MUC4: variants seen among roughly 807,000 people sequenced by gnomAD.
The protein encoded by MUC4 is mucin 4, cell surface associated.
A neutral mutation model predicts 257.9 loss-of-function variants in MUC4; 202 were observed. The ratio of observed to expected loss-of-function variants is 0.78; its 90% CI spans 0.70 to 0.88. MUC4 has a LOEUF of 0.88. Ranked by LOEUF, MUC4 falls within the 40% of genes least tolerant of loss-of-function variation. The pLI is 0.00. For missense variants in MUC4, 5,976 were observed against 6,513.7 expected (o/e 0.92, Z 2.84); for synonymous variants, 2,351 against 2,757.1 (o/e 0.85, Z 4.62).
rs546901834 is a variant in MUC4 at position 195,764,903 on chromosome 3, G to C, written c.13924+94C>G. ...ATCAGGAAGTGGAGGCCCAGAGAGG[G>C]GAAGGGTCTGGGAAGGAATGAGGAC... On this transcript the variant is annotated intron_variant, in intron 10 of 24. Coordinates refer to ENST00000463781, the MANE Select transcript of MUC4 (RefSeq NM_018406.7). 25 of 1,515,756 alleles carry C rather than the reference G, an allele frequency of 1.6e-5. No individual in the cohort carries two copies. The African/African-American group carries it at 2.6e-4, about 16-fold the overall frequency. The allele number at this position is 1,515,756 out of a possible 1,614,324, so 93.9% of individuals were successfully genotyped here. A position where few individuals can be genotyped will look rare whatever the true frequency, so the allele number is the denominator to read the frequency against.
At chr3:195,775,640 C>T (rs1351502210) in intron 3 of MUC4, among the ~76,000 whole-genome samples, 1 of 80,604 alleles carries the variant, frequency 1.2e-5, no homozygotes, top group Non-Finnish European at 2.4e-5. Context: ...CACACCCATA[C>T]CTTCCACAGT....
Position 195,749,020 on chromosome 3 carries a change from T to G in MUC4, c.15916A>C (p.Lys5306Gln), listed in dbSNP as rs748758459. 9.9e-6 allele frequency: 16 copies of G among 1,609,350 alleles called. No individual in the cohort carries two copies. The highest frequency in any genetic ancestry group is 1.4e-5 in the Non-Finnish European group (16 of 1,177,742). ...GGGCTGTAGACCAGGTCGTAGCCCT[T>G]GTAGCCATCGCATCTGAAGTAAGCC... ...LKAYFRCDGY[K>Q]GYDLVYSPQS... The change falls in exon 24 of 25, where the codon AAG becomes CAG. Residue 5306 changes from lysine to glutamine, a missense_variant. Transcript: ENST00000463781.
At position 195,790,994 on chromosome 3, in the gene MUC4, G is replaced by C; in HGVS notation, c.586C>G (p.Gln196Glu). Residue 196 changes from glutamine (Q) to glutamate (E), a missense_variant, in exon 2 of 25, where the codon CAG becomes GAG. Physicochemically the swap from Gln to Glu is conservative, Grantham distance 29. Transcript: ENST00000463781. Reference sequence around the variant, plus strand: ...TGCGTGCTCCGAGTCCAGTGGTTCTGAGAAGAAGCTGATGTGTCTTGGATA... The same window carrying C: ...TGCGTGCTCCGAGTCCAGTGGTTCTCAGAAGAAGCTGATGTGTCTTGGATA... ...TSIQDTSASS[Q>E]NHWTRSTQTT... The C allele has an allele frequency of 6.2e-7, 1 of 1,613,992 alleles. No individual in the cohort carries two copies. Among genetic ancestry groups the C allele is most frequent in the Non-Finnish European group, 8.5e-7 (1 of 1,179,892 alleles).
chr3:195,753,581 C>T, intron 19 of MUC4: 1 of 371,918 alleles, frequency 2.7e-6, no homozygotes, highest in Non-Finnish European at 4.8e-6. Context: ...AGCTGCGGTT[C>T]TACCCACTCT....
At chr3:195,772,910 G>C (rs1723374254) in intron 4 of MUC4, among the ~76,000 whole-genome samples, 1 of 133,936 alleles carries the variant, frequency 7.5e-6, no homozygotes, top group Admixed American at 7.5e-5. Flanking sequence ...CATCGCTCAG[G>C]GGTGTAGACA....
intron 20 of MUC4, 61 bp downstream of exon 20, chr3:195,752,990 G>C: frequency 7.1e-7 from 1 of 1,410,730 alleles, no homozygotes; most frequent in Non-Finnish European, 9.7e-7. Context: ...CGGAGTGCGG[G>C]GGTGAGAGGG....
rs1201325129 is a variant in MUC4, at chr3:195,810,699, C to T, written c.82+1037G>A. Among the ~76,000 whole-genome samples, 1 of 152,186 alleles carries T rather than the reference C, an allele frequency of 6.6e-6. No homozygotes were observed. Among genetic ancestry groups the T allele is most frequent in the African/African-American group, 2.4e-5 (1 of 41,444 alleles). On this transcript the variant is annotated intron_variant, in intron 1 of 24. Coordinates refer to ENST00000463781, the MANE Select transcript of MUC4 (RefSeq NM_018406.7). This position sits in a 1 kb window ranked among gnomAD's most constrained non-coding sequence, Gnocchi z 4.2. ...TCCTCCGCACCACCCTCCCGGCCGG[C>T]CTGCCCCTCTCCTCCTTGTCGCTTC...
intron 6 of MUC4, chr3:195,769,579 T>G (rs955095610): frequency 1.7e-5 from 3 of 176,580 alleles, no homozygotes; most frequent in Non-Finnish European, 3.6e-5. Context: ...GACACTGGGG[T>G]TCACTGAAGG....
chr3:195,756,036 A>G (rs1044828585), intron 18 of MUC4, among the ~76,000 whole-genome samples: 1 of 152,206 alleles, frequency 6.6e-6, no homozygotes, highest in African/African-American at 2.4e-5. Context: ...AACATGGAGA[A>G]GTAGTTTCTC....
At chr3:195,795,437 A>G (rs1453875535) in intron 1 of MUC4, among the ~76,000 whole-genome samples, 1 of 152,220 alleles carries the variant, frequency 6.6e-6, no homozygotes, top group Non-Finnish European at 1.5e-5. Context: ...AGCCTCTAAT[A>G]GCAAAACCAG....
intron 1 of MUC4, among the ~76,000 whole-genome samples, chr3:195,792,512 A>G (rs113935859): frequency 0.025 from 3,770 of 152,310 alleles, 170 homozygotes; most frequent in African/African-American, 0.087. Flanking sequence ...GTGAAATAGG[A>G]ACGCTTTTAC....
chr3:195,761,470 C>T lies in MUC4; in HGVS notation c.14614+14G>A. 6.2e-7 allele frequency: 1 copy of T among 1,607,242 alleles called. No homozygotes were observed. On this transcript the variant is annotated intron_variant, in intron 15 of 24. Transcript: ENST00000463781. ...TCACCTGCCCCTCTGCCCCAGGACC[C>T]TGCCCAGACTCACAGGTCATTCCAA...
chr3:195,805,282 T>G (rs956364204), intron 1 of MUC4, among the ~76,000 whole-genome samples: 1 of 152,152 alleles, frequency 6.6e-6, no homozygotes, highest in African/African-American at 2.4e-5. Flanking sequence ...TCTGTCAGCA[T>G]CTGGTGTGGC....
In MUC4 at chr3:195,771,637, C is replaced by G. The variant is rs1464372705; in HGVS notation, c.13242+15G>C. Reference sequence around the variant, plus strand: ...CTGCTGGGGGATCCTGACTGCCAGGCTTTGAAAGGCTCACCTGATAAAATG... The same window carrying G: ...CTGCTGGGGGATCCTGACTGCCAGGGTTTGAAAGGCTCACCTGATAAAATG... On this transcript the variant is annotated intron_variant, in intron 5 of 24. Coordinates refer to ENST00000463781, the MANE Select transcript of MUC4 (RefSeq NM_018406.7). The G allele has an allele frequency of 1.9e-6, 3 of 1,608,698 alleles. No homozygotes were observed. Among genetic ancestry groups the G allele is most frequent in the Non-Finnish European group, 2.6e-6 (3 of 1,175,944 alleles).
intron 7 of MUC4, among the ~76,000 whole-genome samples, chr3:195,767,886 T>TCACCAC (rs1224448233): frequency 2.9e-4 from 20 of 69,886 alleles, no homozygotes; most frequent in African/African-American, 1.6e-3. Flanking sequence ...ATCACCACCA[T>TCACCAC]CACCACCACC....
intron 23 of MUC4, chr3:195,749,963 A>G (rs1716036658): frequency 6.6e-6 from 1 of 152,262 alleles, no homozygotes; most frequent in African/African-American, 2.4e-5. Context: ...TTGCATAGTC[A>G]GGGCTTGCCT....
intron 7 of MUC4, among the ~76,000 whole-genome samples, chr3:195,768,814 G>A (rs1197487867): frequency 6.6e-6 from 1 of 152,224 alleles, no homozygotes; most frequent in Non-Finnish European, 1.5e-5. Context: ...GGACTGGGAT[G>A]GGAAAGGGCA....
Position 195,770,355 on chromosome 3 carries a change from T to C in MUC4, c.13259A>G (p.Tyr4420Cys). 6.2e-7 allele frequency: 1 copy of C among 1,613,810 alleles called. No individual in the cohort carries two copies. Among genetic ancestry groups the C allele is most frequent in the Non-Finnish European group, 8.5e-7 (1 of 1,179,940 alleles). Residue 4420 changes from tyrosine (Y) to cysteine (C), a missense_variant, in exon 6 of 25, where the codon TAT (tyrosine) becomes TGT (cysteine). Physicochemically the swap from Tyr to Cys is radical, Grantham distance 194. Coordinates refer to ENST00000463781, the MANE Select transcript of MUC4 (RefSeq NM_018406.7). ...CTGGACTAGCAGGCTGTGTTCACCA[T>C]AGAACGTCTCGTATTCCTAGGAAAG... ...TTFYQEYETF[Y>C]GEHSLLVQQA...
chr3:195,791,994 G>A (rs1048781896), intron 1 of MUC4, among the ~76,000 whole-genome samples: 1 of 152,120 alleles, frequency 6.6e-6, no homozygotes, highest in Non-Finnish European at 1.5e-5. Flanking sequence ...ACTCAAGGCA[G>A]GTTAAAGACT....
Sources: gnomAD v4.1 joint callset for allele counts (sites outside exome capture counted in the v4.1 genomes callset) on GRCh38, gnomAD v4.1.1 for gene constraint, Gnocchi (gnomAD v3.1) non-coding constraint, MANE v1.5 for transcripts, NCBI Gene and HGNC (gene_info 2026-07-23, HGNC 2026-07-21) for gene names.